The following VCL variants were observed in gnomAD, a reference collection of about 807,000 sequenced individuals.
VCL encodes epididymis luminal protein 114.
Under a neutral mutation model 125.7 loss-of-function variants are expected in VCL, and 47 were observed. That is an observed-to-expected ratio of 0.37 (90% CI 0.30 to 0.48). VCL has a LOEUF of 0.48. Ranked by LOEUF, VCL falls within the 20% of genes least tolerant of loss-of-function variation. VCL has a pLI of 0.99. For missense variants in VCL, 1,069 were observed against 1,455.5 expected (o/e 0.73, Z 4.32); for synonymous variants, 458 against 514.6 (o/e 0.89, Z 1.49).
Position 74,108,960 on chromosome 10 carries a change from C to A in VCL, c.2560-11C>A. 6.2e-7 allele frequency: 1 copy of A among 1,614,028 alleles called. No homozygotes were observed. The highest frequency in any genetic ancestry group is 8.5e-7 in the Non-Finnish European group (1 of 1,179,956). On this transcript the variant is annotated splice_polypyrimidine_tract_variant and intron_variant, in intron 17 of 21. Transcript: ENST00000211998. ...TAGGACTTTACTTACAACTTGTTTT[C>A]TCTTTTTTAGCTAACAGATGAGCTT...
intron 2 of VCL, among the ~76,000 whole-genome samples, chr10:74,064,365 C>T (rs1029856452): frequency 1.3e-5 from 2 of 152,030 alleles, no homozygotes; most frequent in Non-Finnish European, 2.9e-5. Context: ...TTGAAGCTAT[C>T]TAGGGTCCCC....
chr10:74,114,257 G>A lies in VCL; in HGVS notation c.3023G>A (p.Gly1008Asp). 1 of 1,614,130 alleles carries A rather than the reference G, an allele frequency of 6.2e-7. No individual in the cohort carries two copies. Among genetic ancestry groups the A allele is most frequent in the Non-Finnish European group, 8.5e-7 (1 of 1,180,038 alleles). The change falls in exon 20 of 22, where the codon GGC (glycine) becomes GAC (aspartate). Residue 1008 changes from glycine (G) to aspartate (D), a missense_variant. Transcript: ENST00000211998. Reference protein sequence around the residue: ...MAEMSRLVRGGSGTKRALIQC... With the variant: ...MAEMSRLVRGDSGTKRALIQC... ...GAGATGTCTCGGCTGGTAAGAGGGG[G>A]CAGTGGTACCAAGCGGGCACTCATT... is the stretch of plus-strand genomic sequence containing the variant.
intron 1 of VCL, 121 bp downstream of exon 1, chr10:73,998,496 A>G (rs1840159991): frequency 1.9e-5 from 21 of 1,086,462 alleles, no homozygotes; most frequent in Non-Finnish European, 2.5e-5. Context: ...TTCCGGAGCC[A>G]GGCGCCGAGG....
intron 14 of VCL, 125 bp from the exon 15 acceptor site, chr10:74,103,695 A>G (rs1840091889): frequency 2.3e-6 from 2 of 884,216 alleles, no homozygotes; most frequent in African/African-American, 1.7e-5. Context: ...TTCAGCCTGA[A>G]AAGAGACTTG....
chr10:74,018,184 A>ATATATATT (rs1840591780), intron 1 of VCL, among the ~76,000 whole-genome samples: 1 of 134,052 alleles, frequency 7.5e-6, no homozygotes, highest in African/African-American at 2.8e-5. Flanking sequence ...TAGGATATAT[A>ATATATATT]TATATATATA....
chr10:74,043,612 G>A (rs1226828072), intron 2 of VCL, among the ~76,000 whole-genome samples: 1 of 151,988 alleles, frequency 6.6e-6, no homozygotes, highest in Non-Finnish European at 1.5e-5. Flanking sequence ...CTCCCAAAGT[G>A]CTGGGATTAT....
Position 74,118,334 on chromosome 10 carries a change from T to G in VCL, c.*165T>G. On this transcript the variant is annotated 3_prime_UTR_variant, in exon 22 of 22. Transcript: ENST00000211998. ...TTCAAATTAGAAGACATTTATACTC[T>G]TTTTTCATGGACACTTTGAAATGTG... The G allele has an allele frequency of 1.2e-6, 1 of 807,154 alleles. No individual in the cohort carries two copies. The highest frequency in any genetic ancestry group is 2.0e-6 in the Non-Finnish European group (1 of 492,162). The allele number at this position is 807,154 out of a possible 1,614,324, so 50.0% of individuals were successfully genotyped here.
In VCL at chr10:74,005,959, C is replaced by G. The variant is rs11814544; in HGVS notation, c.168+7584C>G. Among the ~76,000 whole-genome samples the G allele has an allele frequency of 2.6e-3, 388 of 152,130 alleles. 1 individual carries two copies. The highest frequency in any genetic ancestry group is 8.7e-3 in the African/African-American group (361 of 41,492). On this transcript the variant is annotated intron_variant, in intron 1 of 21. Transcript: ENST00000211998. ...GGAGTGCAATTGCACGATCTCAGCT[C>G]ACTGCAACCTCTGCCTCCCAGATTC...
At chr10:74,117,873 G>C in intron 21 of VCL, 150 bp from the exon 22 acceptor site, 1 of 1,142,842 alleles carries the variant, frequency 8.8e-7, no homozygotes, top group African/African-American at 1.5e-5. Flanking sequence ...TCTTTTTGGT[G>C]ATCTGGGAAA....
At position 74,052,950 on chromosome 10, in the gene VCL, T is replaced by A. The variant is rs925072691; in HGVS notation, c.239+9797T>A. 3.2e-3 allele frequency among the ~76,000 whole-genome samples: 462 copies of A among 142,884 alleles called. 3 individuals carry two copies. Among genetic ancestry groups the A allele is most frequent in the African/African-American group, 0.011 (416 of 36,220 alleles). The allele number at this position is 142,884 out of a possible 152,430, so 93.7% of individuals were successfully genotyped here. On this transcript the variant is annotated intron_variant, in intron 2 of 21. Transcript: ENST00000211998. ...CTGGCTGTGATGAAAAAAAAAAATA[T>A]ATATATATATATATATAGTGCTGAA...
chr10:74,026,162 T>G (rs1356032975), intron 1 of VCL, among the ~76,000 whole-genome samples: 1 of 152,214 alleles, frequency 6.6e-6, no homozygotes, highest in Non-Finnish European at 1.5e-5. Flanking sequence ...AGATGGAGCC[T>G]CCATGTTGAA....
intron 1 of VCL, among the ~76,000 whole-genome samples, chr10:74,040,453 G>A (rs1267950920): frequency 1.3e-5 from 2 of 152,104 alleles, no homozygotes; most frequent in African/African-American, 4.8e-5. Flanking sequence ...ATATATAAAA[G>A]GAATCTCTCT....
intron 8 of VCL, among the ~76,000 whole-genome samples, chr10:74,086,856 G>A (rs1458705309): frequency 6.6e-6 from 1 of 152,064 alleles, no homozygotes; most frequent in Admixed American, 6.6e-5. Flanking sequence ...GCTGAAATGC[G>A]GTAACAATTT....
At chr10:74,099,366 C>T (rs148192991) in intron 13 of VCL, among the ~76,000 whole-genome samples, 2 of 152,298 alleles carry the variant, frequency 1.3e-5, no homozygotes, top group African/African-American at 4.8e-5. Flanking sequence ...TCTTCCCCTT[C>T]TTTTTTGGTG....
intron 1 of VCL, among the ~76,000 whole-genome samples, chr10:74,041,522 A>G (rs2136247712): frequency 6.6e-6 from 1 of 152,302 alleles, no homozygotes; most frequent in East Asian, 1.9e-4. Context: ...AAAATTTCTG[A>G]CCATTACTAT....
intron 1 of VCL, among the ~76,000 whole-genome samples, chr10:73,998,983 C>T (rs976296737): frequency 4.6e-5 from 7 of 152,082 alleles, no homozygotes; most frequent in Non-Finnish European, 8.8e-5. Flanking sequence ...CACTCTCTGT[C>T]GCCTCCTCCT....
intron 11 of VCL, among the ~76,000 whole-genome samples, chr10:74,095,417 C>T (rs1231833854): frequency 6.6e-6 from 1 of 151,928 alleles, no homozygotes; most frequent in Non-Finnish European, 1.5e-5. Context: ...ATAGTGAGAC[C>T]CTGTCTCTCT....
At chr10:74,005,379 TGA>T (rs1840303454) in intron 1 of VCL, 1 of 152,056 alleles carries the variant, frequency 6.6e-6, no homozygotes, top group Non-Finnish European at 1.5e-5. Flanking sequence ...CTCAGCCTCC[TGA>T]GTAGCTGGGA....
Position 73,998,249 on chromosome 10 carries a change from G to A in VCL, c.42G>A (p.Glu14=), listed in dbSNP as rs1840152991. 1 of 1,612,838 alleles carries A rather than the reference G, an allele frequency of 6.2e-7. No individual in the cohort carries two copies. The highest frequency in any genetic ancestry group is 8.5e-7 in the Non-Finnish European group (1 of 1,179,456). Residue 14 remains glutamate (E), a synonymous_variant, in exon 1 of 22, where the codon GAG becomes GAA. Transcript: ENST00000211998. ...FHTRTIESIL[E]PVAQQISHLV... is the part of the protein sequence containing the mutation. ...CGCGCACGATCGAGAGCATCCTGGA[G>A]CCGGTGGCACAGCAGATCTCCCACC...
Sources: gnomAD v4.1 joint callset for allele counts (sites outside exome capture counted in the v4.1 genomes callset) on GRCh38, gnomAD v4.1.1 for gene constraint, MANE v1.5 for transcripts, NCBI Gene and HGNC (gene_info 2026-07-23, HGNC 2026-07-21) for gene names.